DAB1: variants seen among roughly 807,000 people sequenced by gnomAD.
DAB1 encodes DAB adaptor protein 1.
Under a neutral mutation model 64.6 loss-of-function variants are expected in DAB1, and 15 were observed. The ratio of observed to expected loss-of-function variants is 0.23; its 90% confidence interval spans 0.16 to 0.36. DAB1 has a LOEUF of 0.36. DAB1 is among the 10% of genes least tolerant of loss of function. DAB1 has a pLI of 1.00. For synonymous variants in DAB1, 235 were observed against 251.9 expected (o/e 0.93, Z 0.64); for missense variants, 596 against 706.7 (o/e 0.84, Z 1.78).
intron 7 of DAB1, among the ~76,000 whole-genome samples, chr1:57,438,006 G>A (rs755765305): frequency 2.6e-5 from 4 of 152,156 alleles, no homozygotes; most frequent in Non-Finnish European, 5.9e-5. Context: ...TAAATTATAA[G>A]GTTGGGCTAG....
chr1:57,975,342 G>T (rs1021387019), intron 5 of DAB1, among the ~76,000 whole-genome samples: 16 of 152,190 alleles, frequency 1.1e-4, no homozygotes, highest in Admixed American at 9.2e-4. Flanking sequence ...GCAGACCACT[G>T]CAATCCAAGG....
chr1:57,659,004 A>G (rs550295577), intron 6 of DAB1, among the ~76,000 whole-genome samples: 2 of 152,270 alleles, frequency 1.3e-5, no homozygotes, highest in Non-Finnish European at 2.9e-5. Context: ...CCCCAGTCCC[A>G]TCCCTTTAAG....
At chr1:57,989,032 GA>G (rs1253728144) in intron 5 of DAB1, among the ~76,000 whole-genome samples, 1 of 152,114 alleles carries the variant, frequency 6.6e-6, no homozygotes. Flanking sequence ...CCTCTGCGAG[GA>G]GAGCACAGAC....
At chr1:58,444,319 C>G (rs1289926552) in intron 3 of DAB1, among the ~76,000 whole-genome samples, 2 of 152,216 alleles carry the variant, frequency 1.3e-5, no homozygotes, top group African/African-American at 4.8e-5. Context: ...AAGCATTACT[C>G]ATATAATCCT....
chr1:57,646,714 A>G (rs1239466129), intron 7 of DAB1, among the ~76,000 whole-genome samples: 1 of 152,152 alleles, frequency 6.6e-6, no homozygotes, highest in African/African-American at 2.4e-5. Context: ...ATGCCACTGC[A>G]CCCCAGCATG....
chr1:57,490,997 G>A (rs1558430193), intron 7 of DAB1, among the ~76,000 whole-genome samples: 1 of 152,190 alleles, frequency 6.6e-6, no homozygotes, highest in Non-Finnish European at 1.5e-5. Flanking sequence ...GCCACATGCA[G>A]AGAAGGCTTA....
At chr1:58,051,892 G>T (rs981932949) in intron 5 of DAB1, among the ~76,000 whole-genome samples, 1 of 151,942 alleles carries the variant, frequency 6.6e-6, no homozygotes, top group Admixed American at 6.6e-5. Flanking sequence ...TTTTGATGGG[G>T]TTGTTTTTTT....
In DAB1 at chr1:57,733,417, A is replaced by G. The variant is rs189790851; in HGVS notation, n.552-83752T>C. On this transcript the variant is annotated intron_variant and non_coding_transcript_variant, in intron 6 of 20. Transcript: ENST00000485760. The stretch of plus-strand genomic sequence containing the variant: ...ATATCCAAAGTTCCTAACAATTCTG[A>G]CATGCTGTAGGCCCTCAGTGGATTT... Among the ~76,000 whole-genome samples the G allele has an allele frequency of 4.5e-4, 68 of 152,156 alleles. No individual in the cohort carries two copies. The Middle Eastern group carries it at 0.01, about 23-fold the overall frequency.
intron 6 of DAB1, among the ~76,000 whole-genome samples, chr1:57,733,885 A>G (rs1403255213): frequency 6.6e-6 from 1 of 152,144 alleles, no homozygotes; most frequent in Non-Finnish European, 1.5e-5. Context: ...AAGAAGAAGC[A>G]GCACAGGGAA....
intron 7 of DAB1, among the ~76,000 whole-genome samples, chr1:57,550,125 T>C (rs982920419): frequency 2.0e-5 from 3 of 152,304 alleles, no homozygotes; most frequent in Admixed American, 1.3e-4. Flanking sequence ...ACAGGATTTG[T>C]GCACCTCAGT....
intron 2 of DAB1, among the ~76,000 whole-genome samples, chr1:57,270,943 G>C (rs115115098): frequency 1.1e-3 from 173 of 152,276 alleles, no homozygotes; most frequent in Non-Finnish European, 2.0e-3. Context: ...ACTGGGGTGG[G>C]TGAGGGAGTG....
intron 3 of DAB1, among the ~76,000 whole-genome samples, chr1:58,465,272 C>T (rs1436056099): frequency 6.6e-6 from 1 of 152,190 alleles, no homozygotes; most frequent in Non-Finnish European, 1.5e-5. Context: ...AGGTGGACTG[C>T]AGTCCCCCTC....
chr1:57,333,205 T>C (rs1178892891), intron 1 of DAB1, among the ~76,000 whole-genome samples: 1 of 152,222 alleles, frequency 6.6e-6, no homozygotes, highest in Non-Finnish European at 1.5e-5. Flanking sequence ...AGGCAGGAAC[T>C]TTGCCTGTTT....
chr1:57,208,430 G>T (rs544640976), intron 2 of DAB1, among the ~76,000 whole-genome samples: 2 of 152,236 alleles, frequency 1.3e-5, no homozygotes, highest in African/African-American at 2.4e-5. Context: ...TTCAAATGAG[G>T]TTTCCTGTTT....
intron 3 of DAB1, among the ~76,000 whole-genome samples, chr1:58,479,757 T>C (rs1190075873): frequency 6.6e-6 from 1 of 152,196 alleles, no homozygotes; most frequent in Non-Finnish European, 1.5e-5. Flanking sequence ...TGTAAAAAAA[T>C]GGACAGATTT....
intron 6 of DAB1, among the ~76,000 whole-genome samples, chr1:57,776,856 G>T (rs1316805259): frequency 6.6e-6 from 1 of 151,566 alleles, no homozygotes; most frequent in African/African-American, 2.4e-5. Context: ...AATTTAAAAT[G>T]AGGAAAGATG....
intron 7 of DAB1, among the ~76,000 whole-genome samples, chr1:57,518,905 A>AG (rs1183112391): frequency 1.3e-5 from 2 of 152,150 alleles, no homozygotes; most frequent in African/African-American, 4.8e-5. Context: ...TCAACATCTG[A>AG]GCCAGCTCTG....
At chr1:57,214,927 A>AAAAC (rs1426224450) in intron 2 of DAB1, among the ~76,000 whole-genome samples, 9 of 148,618 alleles carry the variant, frequency 6.1e-5, no homozygotes, top group South Asian at 2.1e-4. Context: ...AAAAAAAAAA[A>AAAAC]AAAGAAAGAA....
intron 5 of DAB1, among the ~76,000 whole-genome samples, chr1:58,047,688 G>A (rs931734611): frequency 3.3e-5 from 5 of 152,042 alleles, no homozygotes; most frequent in African/African-American, 7.2e-5. Context: ...AGATCTTCAC[G>A]CAATTCCATA....
Sources: allele counts gnomAD v4.1 joint callset (sites outside exome capture counted in the v4.1 genomes callset), GRCh38; gene constraint gnomAD v4.1.1; transcripts MANE v1.5; gene names NCBI Gene and HGNC (gene_info 2026-07-23, HGNC 2026-07-21).